CYP4Z1: variants seen among roughly 807,000 people sequenced by gnomAD.
CYP4Z1 encodes the protein cytochrome P450 4Z1.
CYP4Z1 carries 41 observed loss-of-function variants against 54.2 expected under a neutral mutation model. That is an observed-to-expected ratio of 0.76 (90% CI 0.59 to 0.98). The LOEUF (loss-of-function observed/expected upper bound fraction) is 0.98. Among genes scored for constraint, CYP4Z1 ranks in the 50% least tolerant of loss-of-function variants. The pLI is 0.00. For synonymous variants in CYP4Z1, 163 were observed against 206.2 expected (o/e 0.79, Z 1.79); for missense variants, 513 against 599.0 (o/e 0.86, Z 1.50).
At chr1:47,110,332 T>C (rs1644784728) in intron 9 of CYP4Z1, among the ~76,000 whole-genome samples, 1 of 150,034 alleles carries the variant, frequency 6.7e-6, no homozygotes, top group Non-Finnish European at 1.5e-5. Flanking sequence ...GGCAATCAAC[T>C]AGACACTGGC....
intron 9 of CYP4Z1, among the ~76,000 whole-genome samples, chr1:47,110,201 C>T (rs1644783766): frequency 6.8e-6 from 1 of 146,366 alleles, no homozygotes. Flanking sequence ...GTCCAGTAAG[C>T]CTCAGTGGAG....
intron 6 of CYP4Z1, among the ~76,000 whole-genome samples, chr1:47,087,152 GCTTACAATTGA>G (rs1021305784): frequency 3.9e-5 from 6 of 152,070 alleles, no homozygotes; most frequent in Non-Finnish European, 8.8e-5. Flanking sequence ...TGTTCTTTTG[GCTTACAATTGA>G]CTTGGCAATG....
Position 47,067,464 on chromosome 1 carries a change from C to G in CYP4Z1, c.-27C>G, listed in dbSNP as rs201327598. On this transcript the variant is annotated 5_prime_UTR_variant, in exon 1 of 12. Coordinates refer to ENST00000334194, the MANE Select transcript of CYP4Z1 (RefSeq NM_178134.3). ...CTCCCTGGCTCAGTTCTCTCAGGCT[C>G]TCCAGAGCTCAGGACCTCTGAGAAG... 750 of 1,571,730 alleles carry G rather than the reference C, an allele frequency of 4.8e-4. No individual in the cohort carries two copies. Among genetic ancestry groups the G allele is most frequent in the Non-Finnish European group, 6.1e-4 (711 of 1,156,316 alleles).
At chr1:47,105,303 T>C (rs902538809) in intron 8 of CYP4Z1, among the ~76,000 whole-genome samples, 3 of 151,986 alleles carry the variant, frequency 2.0e-5, no homozygotes, top group Non-Finnish European at 4.4e-5. Context: ...GAGGCTGAGC[T>C]CTCCAGATGA....
At chr1:47,079,160 T>A (rs397833352) in intron 2 of CYP4Z1, among the ~76,000 whole-genome samples, 1 of 152,182 alleles carries the variant, frequency 6.6e-6, no homozygotes, top group African/African-American at 2.4e-5. Flanking sequence ...ACAAGGACCA[T>A]TCTGCTTTCT....
chr1:47,097,647 A>C (rs1644687907), intron 7 of CYP4Z1, among the ~76,000 whole-genome samples: 1 of 151,934 alleles, frequency 6.6e-6, no homozygotes, highest in African/African-American at 2.4e-5. Context: ...TGGGTTCCCT[A>C]TTCTGTTCCA....
intron 2 of CYP4Z1, among the ~76,000 whole-genome samples, chr1:47,076,464 C>T (rs987366892): frequency 1.3e-5 from 2 of 151,400 alleles, no homozygotes; most frequent in African/African-American, 4.9e-5. Flanking sequence ...AATCCCATAA[C>T]ATTGGGTAAG....
intron 8 of CYP4Z1, among the ~76,000 whole-genome samples, chr1:47,100,670 T>C (rs934130760): frequency 4.6e-5 from 7 of 152,194 alleles, no homozygotes; most frequent in African/African-American, 1.7e-4. Flanking sequence ...TTATAAACTG[T>C]TCTATTTTAT....
Position 47,117,958 on chromosome 1 carries a change from T to G in CYP4Z1, c.*24T>G, listed in dbSNP as rs778744549. The G allele has an allele frequency of 6.2e-7, 1 of 1,605,282 alleles. No individual in the cohort carries two copies. Among genetic ancestry groups the G allele is most frequent in the Non-Finnish European group, 8.5e-7 (1 of 1,174,108 alleles). On this transcript the variant is annotated 3_prime_UTR_variant, in exon 12 of 12. Transcript: ENST00000334194. Reference sequence around the variant, plus strand: ...AATTTTAAGTCCTTTCGTATAAGAATTAATGAGACAATTTTCCTACCAAAG... The same window carrying G: ...AATTTTAAGTCCTTTCGTATAAGAAGTAATGAGACAATTTTCCTACCAAAG...
In CYP4Z1 at chr1:47,118,072, A is replaced by C; in HGVS notation, c.*138A>C. On this transcript the variant is annotated 3_prime_UTR_variant, in exon 12 of 12. Coordinates refer to ENST00000334194, the MANE Select transcript of CYP4Z1 (RefSeq NM_178134.3). ...CTTAGGATACTTCTGACTGGTTTTG[A>C]CATCCATTAACAGTAATTTTAATTT... 1.2e-6 allele frequency: 1 copy of C among 857,646 alleles called. No homozygotes were observed. The highest frequency in any genetic ancestry group is 1.7e-6 in the Non-Finnish European group (1 of 600,464). The allele number at this position is 857,646 out of a possible 1,614,324, so 53.1% of individuals were successfully genotyped here.
At chr1:47,116,605 G>T in intron 10 of CYP4Z1, 45 bp from the exon 11 acceptor site, 1 of 1,242,580 alleles carries the variant, frequency 8.0e-7, no homozygotes, top group Non-Finnish European at 1.1e-6. Context: ...TTTTTGTGGG[G>T]GTGGGCTGGA....
intron 6 of CYP4Z1, among the ~76,000 whole-genome samples, chr1:47,091,670 C>T (rs538092021): frequency 6.7e-6 from 1 of 149,754 alleles, no homozygotes; most frequent in South Asian, 2.2e-4. Flanking sequence ...TGTTTGTTAA[C>T]TAAGAGCTCC....
intron 3 of CYP4Z1, 78 bp from the exon 4 acceptor site, chr1:47,082,256 G>A: frequency 2.6e-6 from 4 of 1,511,548 alleles, no homozygotes; most frequent in South Asian, 1.4e-5. Context: ...CATAGATAGG[G>A]AATTGCTCAC....
chr1:47,103,951 A>T (rs944892558), intron 8 of CYP4Z1, among the ~76,000 whole-genome samples: 5 of 152,060 alleles, frequency 3.3e-5, no homozygotes, highest in African/African-American at 1.2e-4. Context: ...AGGATTTTGT[A>T]AATTTCTTTT....
intron 2 of CYP4Z1, among the ~76,000 whole-genome samples, chr1:47,073,059 C>T (rs1644493880): frequency 8.2e-6 from 1 of 122,552 alleles, no homozygotes. Context: ...TCAGTCCAGA[C>T]AGAAACCTCA....
chr1:47,117,694 A>C, intron 11 of CYP4Z1, 72 bp from the exon 12 acceptor site: 1 of 1,477,886 alleles, frequency 6.8e-7, no homozygotes, highest in African/African-American at 1.4e-5. Context: ...GTCATATATA[A>C]AAAGATTGGC....
chr1:47,098,390 T>C (rs1569738694), intron 7 of CYP4Z1, among the ~76,000 whole-genome samples: 1 of 152,180 alleles, frequency 6.6e-6, no homozygotes, highest in African/African-American at 2.4e-5. Context: ...TTGTGAATGG[T>C]AGTTCATTCA....
chr1:47,091,882 C>G (rs3863637), intron 6 of CYP4Z1, among the ~76,000 whole-genome samples: 1,491 of 145,756 alleles, frequency 0.01, 29 homozygotes, highest in African/African-American at 0.018. Flanking sequence ...CCTTCCGGTC[C>G]TGCTGTGGGA....
intron 2 of CYP4Z1, among the ~76,000 whole-genome samples, chr1:47,077,172 G>A (rs1284768873): frequency 6.6e-6 from 1 of 150,838 alleles, no homozygotes; most frequent in Non-Finnish European, 1.5e-5. Flanking sequence ...TATTGAAAGG[G>A]ATGTAGTGAA....
Sources: gnomAD v4.1 joint callset for allele counts (sites outside exome capture counted in the v4.1 genomes callset) on GRCh38, gnomAD v4.1.1 for gene constraint, MANE v1.5 for transcripts, NCBI Gene and HGNC (gene_info 2026-07-23, HGNC 2026-07-21) for gene names.